XKR6: variants seen among roughly 807,000 people sequenced by gnomAD.
XKR6 encodes XK-related protein 6.
In XKR6, 22 loss-of-function variants were observed where a neutral mutation model predicts 56.7. That is an observed-to-expected ratio of 0.39 (90% confidence interval 0.28 to 0.55). The LOEUF (loss-of-function observed/expected upper bound fraction) is 0.55. Among genes scored for constraint, XKR6 ranks in the 20% least tolerant of loss-of-function variants. The pLI is 0.66. For missense variants in XKR6, 852 were observed against 889.0 expected (o/e 0.96, Z 0.53); for synonymous variants, 524 against 387.8 (o/e 1.35, Z -4.13).
intron 1 of XKR6, chr8:11,114,175 G>A (rs187539872): frequency 2.3e-4 from 86 of 366,814 alleles, no homozygotes; most frequent in African/African-American, 1.5e-3. Context: ...AATATTAGAA[G>A]CCATTTTTAT....
rs143007036 is a variant in XKR6, at chr8:11,040,663, C to T, written c.765-115833G>A. 1.6e-4 allele frequency among the ~76,000 whole-genome samples: 24 copies of T among 152,256 alleles called. No homozygotes were observed. The East Asian group carries it at 3.7e-3, about 23-fold the overall frequency. On this transcript the variant is annotated intron_variant, in intron 1 of 2. Transcript: ENST00000416569. ...GGTGAGGGCTCTCCTGGTTCGTAGA[C>T]GATGCCTTCTCACTGTGAACAAACC... is the stretch of plus-strand genomic sequence containing the variant.
intron 1 of XKR6, among the ~76,000 whole-genome samples, chr8:11,180,657 G>T (rs931707849): frequency 4.6e-5 from 7 of 152,110 alleles, no homozygotes; most frequent in African/African-American, 1.7e-4. Flanking sequence ...GCAATCCCAG[G>T]GCTTTGCAAA....
chr8:11,146,246 G>A (rs889278804), intron 1 of XKR6, among the ~76,000 whole-genome samples: 2 of 152,264 alleles, frequency 1.3e-5, no homozygotes, highest in Middle Eastern at 3.4e-3. Flanking sequence ...TATAAAACAG[G>A]TAGAAGAAAA....
At chr8:11,035,377 T>G (rs1381004834) in intron 1 of XKR6, 13 of 529,410 alleles carry the variant, frequency 2.5e-5, no homozygotes, top group Non-Finnish European at 4.7e-5. Context: ...TGAATGGGGC[T>G]CTTTGCACTT....
At chr8:11,031,487 C>A (rs781345095) in intron 1 of XKR6, among the ~76,000 whole-genome samples, 1 of 152,132 alleles carries the variant, frequency 6.6e-6, no homozygotes, top group Non-Finnish European at 1.5e-5. Context: ...GAATTTGGGG[C>A]CCACAGCAGA....
At chr8:11,029,672 TGAC>T (rs1285981444) in intron 1 of XKR6, among the ~76,000 whole-genome samples, 2 of 152,130 alleles carry the variant, frequency 1.3e-5, no homozygotes, top group Admixed American at 1.3e-4. Flanking sequence ...CCCAGTTGAC[TGAC>T]ATTTGCCATG....
chr8:11,031,317 C>G (rs564982810), intron 1 of XKR6, among the ~76,000 whole-genome samples: 1 of 152,366 alleles, frequency 6.6e-6, no homozygotes, highest in South Asian at 2.1e-4. Flanking sequence ...CTCAGCTGCA[C>G]CCTTGCCTTG....
chr8:11,181,003 G>T (rs949779112), intron 1 of XKR6, among the ~76,000 whole-genome samples: 1 of 152,152 alleles, frequency 6.6e-6, no homozygotes, highest in East Asian at 1.9e-4. Flanking sequence ...AAGTCTTCTG[G>T]ACCCACAAGG....
rs1177089218 is a variant in XKR6, at chr8:10,999,684, A to C, written c.765-74854T>G. Among the ~76,000 whole-genome samples the C allele has an allele frequency of 2.6e-5, 4 of 152,218 alleles. No individual in the cohort carries two copies. The East Asian group carries it at 7.7e-4, about 29-fold the overall frequency. On this transcript the variant is annotated intron_variant, in intron 1 of 2. Transcript: ENST00000416569. ...GCAGATGTGACCAAGCTACCAAAAT[A>C]AAAGTTCCAACAAAGGATGTTCTGC...
At chr8:11,012,946 T>A (rs1798533884) in intron 1 of XKR6, among the ~76,000 whole-genome samples, 1 of 152,130 alleles carries the variant, frequency 6.6e-6, no homozygotes, top group South Asian at 2.1e-4. Flanking sequence ...CTTGCCAAGT[T>A]GTAGTATCTT....
chr8:10,979,069 C>T (rs969584622), intron 1 of XKR6, among the ~76,000 whole-genome samples: 1 of 151,970 alleles, frequency 6.6e-6, no homozygotes, highest in African/African-American at 2.4e-5. Context: ...CTTTAGGGAC[C>T]CAATCCCATC....
intron 1 of XKR6, among the ~76,000 whole-genome samples, chr8:11,083,765 T>G (rs1331702303): frequency 6.6e-6 from 1 of 152,174 alleles, no homozygotes; most frequent in African/African-American, 2.4e-5. Context: ...GCTGTAAAAG[T>G]AACTGTCAAA....
At chr8:11,059,634 G>GGCGGGGCGGGACAGGTGCGGGGGGC (rs1263251290) in intron 1 of XKR6, among the ~76,000 whole-genome samples, 1 of 150,998 alleles carries the variant, frequency 6.6e-6, no homozygotes, top group African/African-American at 2.4e-5. Context: ...GGGGGCGCGG[G>GGCGGGGCGGGACAGGTGCGGGGGGC]GCGGGGCGGG....
chr8:11,006,330 A>G (rs1798368143), intron 1 of XKR6, among the ~76,000 whole-genome samples: 3 of 152,024 alleles, frequency 2.0e-5, no homozygotes, highest in African/African-American at 7.2e-5. Context: ...CACTGAGAGG[A>G]GGCCTTCTGC....
intron 2 of XKR6, among the ~76,000 whole-genome samples, chr8:10,912,868 TAGAGAGAA>T (rs1212655671): frequency 2.1e-5 from 3 of 140,782 alleles, no homozygotes; most frequent in African/African-American, 7.9e-5. Context: ...TGTGTATAGA[TAGAGAGAA>T]AGAGGGTGTG....
At position 10,928,849 on chromosome 8, in the gene XKR6, G is replaced by C. The variant is rs377246171; in HGVS notation, c.765-4019C>G. Among the ~76,000 whole-genome samples the C allele has an allele frequency of 6.6e-5, 10 of 152,354 alleles. No individual in the cohort carries two copies. The East Asian group carries it at 1.7e-3, about 27-fold the overall frequency. ...TTCTCCAGGAAGGTATCTCTTGGGA[G>C]AGAAGACACCAACTCTTCTCCCGGA... On this transcript the variant is annotated intron_variant, in intron 1 of 2. Coordinates refer to ENST00000416569, the MANE Select transcript of XKR6 (RefSeq NM_173683.4).
At chr8:11,124,076 C>T (rs17152884) in intron 1 of XKR6, 11,544 of 450,756 alleles carry the variant, frequency 0.026, 299 homozygotes, top group African/African-American at 0.083. Context: ...CTCTCTAGCA[C>T]GATTTCCTAC....
intron 1 of XKR6, among the ~76,000 whole-genome samples, chr8:11,057,365 A>C (rs145096433): frequency 2.0e-3 from 297 of 152,266 alleles, no homozygotes; most frequent in African/African-American, 6.7e-3. Flanking sequence ...TGTTTTGTTC[A>C]CTGCTTTGAA....
chr8:10,984,130 T>C (rs547612960), intron 1 of XKR6, among the ~76,000 whole-genome samples: 12 of 152,214 alleles, frequency 7.9e-5, no homozygotes, highest in Non-Finnish European at 2.9e-5. Flanking sequence ...AAACGAGGCA[T>C]GTATTGCACA....
Sources: allele counts gnomAD v4.1 joint callset (sites outside exome capture counted in the v4.1 genomes callset), GRCh38; gene constraint gnomAD v4.1.1; transcripts MANE v1.5; gene names NCBI Gene and HGNC (gene_info 2026-07-23, HGNC 2026-07-21).